Variants in KCNN2 observed in about 807,000 individuals in gnomAD.
KCNN2 encodes small conductance calcium-activated potassium channel protein 2.
KCNN2 carries 24 observed loss-of-function variants against 55.5 expected under a neutral mutation model. That is an observed-to-expected ratio of 0.43 (90% confidence interval 0.31 to 0.61). The LOEUF (loss-of-function observed/expected upper bound fraction) is 0.61, where lower values mean the gene tolerates loss of function less well. KCNN2 is among the 20% of genes least tolerant of loss of function. The pLI is 0.08. For missense variants in KCNN2, 754 were observed against 853.6 expected, an observed-to-expected ratio of 0.88 and a Z score of 1.45; for synonymous variants, 431 against 336.1, an observed-to-expected ratio of 1.28 and a Z score of -3.09.
intron 1 of KCNN2, among the ~76,000 whole-genome samples, chr5:114,143,960 A>G (rs1004579568): frequency 2.2e-4 from 34 of 152,308 alleles, no homozygotes; most frequent in African/African-American, 7.9e-4. Context: ...ATACACGAAC[A>G]AAATTAACGA....
At chr5:114,390,282 CT>C (rs1758416182) in intron 2 of KCNN2, among the ~76,000 whole-genome samples, 1 of 152,108 alleles carries the variant, frequency 6.6e-6, no homozygotes, top group African/African-American at 2.4e-5. Context: ...GGTTCCCCAT[CT>C]ACTTGCAGAA....
intron 1 of KCNN2, among the ~76,000 whole-genome samples, chr5:114,098,693 C>G (rs552003494): frequency 6.6e-6 from 1 of 152,124 alleles, no homozygotes. Context: ...GTCTACCACA[C>G]TTCTCTTTTA....
At chr5:114,370,404 C>G (rs931386990) in intron 2 of KCNN2, among the ~76,000 whole-genome samples, 17 of 152,084 alleles carry the variant, frequency 1.1e-4, no homozygotes, top group African/African-American at 3.6e-4. Flanking sequence ...GGGCCCTTTC[C>G]TCTTGGAGCT....
chr5:114,278,465 TAGAG>T (rs1214710060), intron 2 of KCNN2, among the ~76,000 whole-genome samples: 1 of 152,186 alleles, frequency 6.6e-6, no homozygotes, highest in East Asian at 1.9e-4. Flanking sequence ...AGGTTGAAAA[TAGAG>T]AGGCAATACG....
At chr5:114,242,225 T>C (rs1446563961) in intron 2 of KCNN2, among the ~76,000 whole-genome samples, 1 of 152,012 alleles carries the variant, frequency 6.6e-6, no homozygotes, top group Non-Finnish European at 1.5e-5. Context: ...AACATCCTTG[T>C]AAAGAGTGCA....
chr5:114,479,857 G>A (rs1226671649), intron 5 of KCNN2, among the ~76,000 whole-genome samples: 2 of 152,164 alleles, frequency 1.3e-5, no homozygotes, highest in Non-Finnish European at 2.9e-5. Flanking sequence ...CAACGTAGCA[G>A]AATCTCTGGG....
rs771831386 is a variant in KCNN2 at position 114,239,603 on chromosome 5, G to A, written c.-185+18038G>A. Among the ~76,000 whole-genome samples the A allele has an allele frequency of 3.0e-4, 46 of 152,234 alleles. No individual in the cohort carries two copies. In the Middle Eastern group the frequency reaches 0.01, roughly 34 times the overall value. ...AACACTTGAGAAGAGACAAATTAAG[G>A]TCGTTTTTTGTTTTCAACTATTTGG... On this transcript the variant is annotated intron_variant, in intron 2 of 10. Transcript: ENST00000512097.
chr5:114,159,746 C>T (rs996099923), intron 1 of KCNN2, among the ~76,000 whole-genome samples: 10 of 152,182 alleles, frequency 6.6e-5, no homozygotes, highest in East Asian at 3.9e-4. Flanking sequence ...GTGTATGTGT[C>T]GAGGAATTTA....
chr5:114,190,581 A>T (rs1442377091), intron 1 of KCNN2, among the ~76,000 whole-genome samples: 2 of 152,084 alleles, frequency 1.3e-5, no homozygotes, highest in Non-Finnish European at 2.9e-5. Flanking sequence ...ATTTTAAACA[A>T]TATATAGTAT....
chr5:114,322,228 G>C (rs1369651188), intron 2 of KCNN2, among the ~76,000 whole-genome samples: 2 of 152,166 alleles, frequency 1.3e-5, no homozygotes, highest in African/African-American at 2.4e-5. Flanking sequence ...ATGACAGAAT[G>C]TTGGGGCTTA....
At chr5:114,277,164 C>T (rs1400160103) in intron 2 of KCNN2, among the ~76,000 whole-genome samples, 1 of 152,082 alleles carries the variant, frequency 6.6e-6, no homozygotes, top group African/African-American at 2.4e-5. Flanking sequence ...GAATATTTGC[C>T]CCCAATCTCT....
chr5:114,132,399 A>C (rs1040808407), intron 1 of KCNN2, among the ~76,000 whole-genome samples: 1 of 152,122 alleles, frequency 6.6e-6, no homozygotes, highest in African/African-American at 2.4e-5. Flanking sequence ...TCATTTCCCC[A>C]TTGCTTGTTT....
chr5:114,071,484 T>C (rs1750568322), intron 1 of KCNN2, among the ~76,000 whole-genome samples: 1 of 152,232 alleles, frequency 6.6e-6, no homozygotes, highest in Admixed American at 6.5e-5. Context: ...GGAGTCCTGT[T>C]TGCATTTCCA....
rs747449799 is a variant in KCNN2, at chr5:114,495,908, T to C, written c.2102T>C (p.Met701Thr). The C allele has an allele frequency of 2.5e-6, 4 of 1,613,592 alleles. No individual in the cohort carries two copies. Among genetic ancestry groups the C allele is most frequent in the Non-Finnish European group, 3.4e-6 (4 of 1,179,600 alleles). Reference protein sequence around the residue: ...LVDLAKTQNIMYDMISDLNER... With the variant: ...LVDLAKTQNITYDMISDLNER... ...CCTGTTTTTCAGACCCAGAACATCA[T>C]GTATGATATGATTTCTGACTTAAAC... Residue 701 changes from methionine (M) to threonine (T), a missense_variant, in exon 8 of 8, where the codon ATG becomes ACG. By Grantham distance (81) the Met-to-Thr change is moderately conservative. This residue lies in a region of KCNN2 where 164 missense variants were observed against 156.6 expected (regional missense o/e 1.05). Coordinates refer to ENST00000673685, the MANE Select transcript of KCNN2 (RefSeq NM_021614.4).
At chr5:114,340,968 G>A (rs984750997) in intron 2 of KCNN2, among the ~76,000 whole-genome samples, 1 of 152,014 alleles carries the variant, frequency 6.6e-6, no homozygotes, top group Non-Finnish European at 1.5e-5. Flanking sequence ...TATTTAACTT[G>A]GCATAATGTT....
intron 2 of KCNN2, among the ~76,000 whole-genome samples, chr5:114,280,963 C>T (rs1755611334): frequency 1.3e-5 from 2 of 152,030 alleles, no homozygotes; most frequent in African/African-American, 4.8e-5. Flanking sequence ...CACACTAACC[C>T]TTCTTTTGCC....
chr5:114,217,954 C>A lies in KCNN2; in HGVS notation c.-270-3526C>A, dbSNP rs959965349. Among the ~76,000 whole-genome samples the A allele has an allele frequency of 2.6e-5, 4 of 152,124 alleles. No individual in the cohort carries two copies. In the East Asian group the frequency reaches 7.7e-4, roughly 29 times the overall value. ...GGCAAAAGATCTGAACATTACTTCA[C>A]CAATGAAGATACAGATGGCAAATTA... On this transcript the variant is annotated intron_variant, in intron 1 of 10. Transcript: ENST00000512097.
Position 114,158,845 on chromosome 5 carries a change from A to G in KCNN2, c.-270-62635A>G, listed in dbSNP as rs200647913. On this transcript the variant is annotated intron_variant, in intron 1 of 10. Coordinates refer to the KCNN2 transcript ENST00000512097. ...ATAAGAATGCTTGTGATTTTTGCAC[A>G]TTGGTTTTATATCCTGAGACTTTGC... is the stretch of plus-strand genomic sequence containing the variant. Among the ~76,000 whole-genome samples, 15 of 152,230 alleles carry G rather than the reference A, an allele frequency of 9.9e-5. No homozygotes were observed. The East Asian group carries it at 2.9e-3, about 29-fold the overall frequency.
At chr5:114,307,360 G>A (rs748475013) in intron 2 of KCNN2, among the ~76,000 whole-genome samples, 23 of 152,134 alleles carry the variant, frequency 1.5e-4, no homozygotes, top group Non-Finnish European at 2.4e-4. Flanking sequence ...CACTAATTAT[G>A]TATGTTTATA....
Sources: allele counts gnomAD v4.1 joint callset (sites outside exome capture counted in the v4.1 genomes callset), GRCh38; gene constraint gnomAD v4.1.1; regional missense constraint gnomAD v4.1.1; transcripts MANE v1.5; gene names NCBI Gene and HGNC (gene_info 2026-07-23, HGNC 2026-07-21).